QTGAL: variants seen among roughly 807,000 people sequenced by gnomAD.
QTGAL encodes queuosine-tRNA galactosyltransferase, also known as BGnT-like protein 1.
At chr17:83,028,481 C>T in the QTGAL span, among the ~76,000 whole-genome samples, 2 of 145,088 alleles carry the variant, frequency 1.4e-5, no homozygotes, top group East Asian at 4.0e-4. Flanking sequence ...GCCGAGATTG[C>T]GCCACTGCAC....
At chr17:82,992,826 G>C in the QTGAL span, among the ~76,000 whole-genome samples, 14 of 152,128 alleles carry the variant, frequency 9.2e-5, no homozygotes, top group African/African-American at 2.9e-4. Context: ...ACAAAGTTAA[G>C]GTATAGAGTT....
chr17:82,994,640 C>T, the QTGAL span, among the ~76,000 whole-genome samples: 7 of 152,230 alleles, frequency 4.6e-5, no homozygotes, highest in East Asian at 9.6e-4. Flanking sequence ...AATACCAATC[C>T]TACCCAAATT....
the QTGAL span, among the ~76,000 whole-genome samples, chr17:82,972,501 A>G: frequency 4.9e-5 from 4 of 81,606 alleles, no homozygotes; most frequent in Admixed American, 4.5e-4. Flanking sequence ...GTGCCGACAC[A>G]CCACACCATG....
the QTGAL span, chr17:82,978,755 C>T: frequency 7.2e-5 from 11 of 152,300 alleles, no homozygotes; most frequent in Admixed American, 7.2e-4. The surrounding 1 kb of genome is among the most constrained non-coding windows in gnomAD (Gnocchi z 4.8). Context: ...GAATGCCCTT[C>T]TCAGTACGAA....
the QTGAL span, among the ~76,000 whole-genome samples, chr17:82,963,103 G>A: frequency 6.6e-6 from 1 of 152,196 alleles, no homozygotes; most frequent in African/African-American, 2.4e-5. Context: ...GAGGAAGTGT[G>A]GCCGCCGCCC....
the QTGAL span, among the ~76,000 whole-genome samples, chr17:82,986,933 G>A: frequency 6.6e-6 from 1 of 152,140 alleles, no homozygotes; most frequent in African/African-American, 2.4e-5. Context: ...GCAGCTGGCT[G>A]CCCCCGCTCC....
chr17:82,959,704 G>A, the QTGAL span, among the ~76,000 whole-genome samples: 1 of 149,592 alleles, frequency 6.7e-6, no homozygotes, highest in Non-Finnish European at 1.5e-5. Context: ...AAAGCGGGGG[G>A]CCTCTGTGGC....
the QTGAL span, among the ~76,000 whole-genome samples, chr17:83,041,379 A>T: frequency 6.6e-6 from 1 of 152,254 alleles, no homozygotes; most frequent in Non-Finnish European, 1.5e-5. Context: ...ACATTCATCT[A>T]CACATCCAGG....
At chr17:83,035,459 G>A in the QTGAL span, among the ~76,000 whole-genome samples, 977 of 152,166 alleles carry the variant, frequency 6.4e-3, 4 homozygotes, top group East Asian at 0.027. Flanking sequence ...GTGAGCCACC[G>A]CACCCGCCCA....
At chr17:82,946,933 C>T in the QTGAL span, 14 of 1,569,682 alleles carry the variant, frequency 8.9e-6, no homozygotes, top group Non-Finnish European at 1.2e-5. Flanking sequence ...CCTGGCCCTC[C>T]TGCAAGTGCA....
chr17:83,039,441 G>A, the QTGAL span, among the ~76,000 whole-genome samples: 7 of 103,072 alleles, frequency 6.8e-5, no homozygotes, highest in East Asian at 5.6e-4. Flanking sequence ...CTGGGCGCCC[G>A]CCGCCCGCCC....
the QTGAL span, among the ~76,000 whole-genome samples, chr17:83,013,423 C>A: frequency 8.0e-6 from 1 of 124,540 alleles, no homozygotes; most frequent in Non-Finnish European, 1.7e-5. Context: ...CCCCAAACCC[C>A]CACACCCTTT....
the QTGAL span, among the ~76,000 whole-genome samples, chr17:82,993,566 TGAACA>T: frequency 6.6e-6 from 1 of 152,110 alleles, no homozygotes; most frequent in African/African-American, 2.4e-5. Flanking sequence ...TTTTCAGCAC[TGAACA>T]GATTTTCCAG....
chr17:82,958,854 G>A, the QTGAL span, among the ~76,000 whole-genome samples: 2 of 115,018 alleles, frequency 1.7e-5, no homozygotes, highest in African/African-American at 6.2e-5. Context: ...TACACTGGGG[G>A]TGTATGGTGT....
At chr17:82,957,344 T>A in the QTGAL span, 1 of 1,613,448 alleles carries the variant, frequency 6.2e-7, no homozygotes, top group African/African-American at 1.3e-5. Flanking sequence ...TGTTGGAGGG[T>A]GGCAGGATGC....
At chr17:83,035,133 A>G in the QTGAL span, 1 of 1,569,326 alleles carries the variant, frequency 6.4e-7, no homozygotes, top group Non-Finnish European at 8.7e-7. Context: ...CTCTTTTATA[A>G]TTCAGTTTCC....
At chr17:83,002,692 G>A in the QTGAL span, among the ~76,000 whole-genome samples, 1 of 152,174 alleles carries the variant, frequency 6.6e-6, no homozygotes, top group Non-Finnish European at 1.5e-5. Context: ...CACCGCGGGC[G>A]GCCCCGTGTC....
chr17:82,969,241 C>A, the QTGAL span, among the ~76,000 whole-genome samples: 106 of 152,170 alleles, frequency 7.0e-4, 1 homozygote, highest in East Asian at 0.02. Context: ...CTCACTGCAA[C>A]CTCTGCCTCC....
At chr17:82,997,920 TAA>T in the QTGAL span, among the ~76,000 whole-genome samples, 259 of 137,582 alleles carry the variant, frequency 1.9e-3, 1 homozygote, top group Admixed American at 3.9e-3. Flanking sequence ...TTAATGGGTT[TAA>T]AAAAAAAAAT....
Sources: gnomAD v4.1 joint callset for allele counts (sites outside exome capture counted in the v4.1 genomes callset) on GRCh38, gnomAD v4.1.1 for gene constraint, Gnocchi (gnomAD v3.1) non-coding constraint, MANE v1.5 for transcripts, NCBI Gene and HGNC (gene_info 2026-07-23, HGNC 2026-07-21) for gene names.